Variants in CSMD1 observed in about 807,000 individuals in gnomAD.
CSMD1 encodes the protein CUB and sushi domain-containing protein 1.
In CSMD1, 213 loss-of-function variants were observed where a neutral mutation model predicts 417.5. That is an observed-to-expected ratio of 0.51 (90% CI 0.46 to 0.57). CSMD1 has a LOEUF of 0.57. CSMD1 is among the 20% of genes least tolerant of loss of function. The pLI is 0.00. For missense variants in CSMD1, 6,923 were observed against 4,529.7 expected (o/e 1.53, Z -15.17); for synonymous variants, 2,862 against 1,736.8 (o/e 1.65, Z -16.11).
chr8:3,642,187 A>C (rs1352654384), intron 7 of CSMD1, among the ~76,000 whole-genome samples: 1 of 151,428 alleles, frequency 6.6e-6, no homozygotes, highest in Admixed American at 6.6e-5. Context: ...CATAATATAT[A>C]ATATATAGAA....
chr8:4,884,718 C>A (rs1283767614), intron 1 of CSMD1, among the ~76,000 whole-genome samples: 1 of 152,004 alleles, frequency 6.6e-6, no homozygotes, highest in Non-Finnish European at 1.5e-5. Context: ...AGTTTCCTTC[C>A]TTGGATCAAT....
intron 10 of CSMD1, among the ~76,000 whole-genome samples, chr8:3,520,039 T>TATATATATATACACACAC (rs545212684): frequency 1.2e-4 from 17 of 147,108 alleles, no homozygotes; most frequent in African/African-American, 4.4e-4. Flanking sequence ...TATATATATA[T>TATATATATATACACACAC]ACACGTATAG....
At chr8:4,489,975 C>T (rs934066678) in intron 2 of CSMD1, among the ~76,000 whole-genome samples, 5 of 151,808 alleles carry the variant, frequency 3.3e-5, no homozygotes, top group Non-Finnish European at 7.4e-5. Context: ...AAGTGAATGC[C>T]AATTGCCTTT....
intron 6 of CSMD1, among the ~76,000 whole-genome samples, chr8:3,716,318 T>C (rs1801829386): frequency 6.6e-6 from 1 of 152,162 alleles, no homozygotes; most frequent in African/African-American, 2.4e-5. Context: ...AAAGCAAGTT[T>C]ATTGAGAAAA....
In CSMD1 at chr8:4,351,967, GA is replaced by G. The variant is rs1296144967; in HGVS notation, c.415+67985del. 2.5e-4 allele frequency among the ~76,000 whole-genome samples: 27 copies of G among 107,976 alleles called. 1 individual carries two copies. The highest frequency in any genetic ancestry group is 5.7e-4 in the Admixed American group (6 of 10,494). 70.8% of individuals were successfully genotyped at this position (107,976 alleles called of 152,430 possible). On this transcript the variant is annotated intron_variant, in intron 3 of 69. Transcript: ENST00000635120. ...TTATGCTATTTTTTTTTTTTTTTCA[GA>G]AAAAAAAATGAGTGGCTTGAAACAC...
chr8:3,367,604 T>C (rs940602651), intron 19 of CSMD1, among the ~76,000 whole-genome samples: 3 of 151,928 alleles, frequency 2.0e-5, no homozygotes, highest in East Asian at 1.9e-4. Flanking sequence ...AAGAGGAAAA[T>C]TGGTGGAAAG....
intron 3 of CSMD1, among the ~76,000 whole-genome samples, chr8:4,097,470 T>C (rs1443405802): frequency 6.6e-6 from 1 of 152,180 alleles, no homozygotes; most frequent in Non-Finnish European, 1.5e-5. Flanking sequence ...TGTAATAATT[T>C]GTGCCAATTA....
intron 49 of CSMD1, among the ~76,000 whole-genome samples, chr8:3,078,699 G>C (rs192847772): frequency 6.6e-6 from 1 of 152,148 alleles, no homozygotes; most frequent in African/African-American, 2.4e-5. Flanking sequence ...GAAGGTCTAC[G>C]TGGCCCTTTA....
chr8:4,669,816 G>T (rs1266882181), intron 1 of CSMD1, among the ~76,000 whole-genome samples: 2 of 152,084 alleles, frequency 1.3e-5, no homozygotes, highest in East Asian at 3.9e-4. Flanking sequence ...AGCAATATTT[G>T]GAAAGACATC....
chr8:4,074,484 T>A (rs1023237603), intron 3 of CSMD1, among the ~76,000 whole-genome samples: 1 of 152,222 alleles, frequency 6.6e-6, no homozygotes, highest in Middle Eastern at 3.4e-3. Context: ...TAGTCAATTA[T>A]GAAAATCTAA....
chr8:3,029,111 T>C (rs150303481), intron 51 of CSMD1, among the ~76,000 whole-genome samples: 10 of 152,144 alleles, frequency 6.6e-5, no homozygotes, highest in Non-Finnish European at 1.2e-4. Flanking sequence ...AAAGACAACA[T>C]CAAATGCCTA....
intron 1 of CSMD1, among the ~76,000 whole-genome samples, chr8:4,697,457 G>A (rs184848048): frequency 7.4e-4 from 113 of 152,206 alleles, no homozygotes; most frequent in Non-Finnish European, 1.2e-3. Context: ...AGTTCAATAC[G>A]TAAAAAATTT....
intron 2 of CSMD1, among the ~76,000 whole-genome samples, chr8:4,521,802 C>A (rs7846421): frequency 1.3e-5 from 2 of 152,086 alleles, no homozygotes; most frequent in African/African-American, 4.8e-5. Flanking sequence ...GAAAACCAAG[C>A]ACCTGGGTGG....
At chr8:4,348,258 G>C (rs1222304517) in intron 3 of CSMD1, among the ~76,000 whole-genome samples, 1 of 152,082 alleles carries the variant, frequency 6.6e-6, no homozygotes, top group Non-Finnish European at 1.5e-5. Context: ...ATCTCTTCAT[G>C]TCTAAGGGGA....
intron 12 of CSMD1, among the ~76,000 whole-genome samples, chr8:3,417,080 T>A (rs117641149): frequency 0.013 from 1,960 of 152,336 alleles, 44 homozygotes; most frequent in East Asian, 0.096. Flanking sequence ...ACGGTTGTGC[T>A]TGCATTACCA....
intron 8 of CSMD1, among the ~76,000 whole-genome samples, chr8:3,599,324 C>A (rs936574715): frequency 6.6e-6 from 1 of 152,116 alleles, no homozygotes; most frequent in African/African-American, 2.4e-5. Context: ...GAGATCTACC[C>A]TCTTAGCAAA....
chr8:3,305,948 G>C (rs1442523566), intron 25 of CSMD1, among the ~76,000 whole-genome samples: 1 of 152,120 alleles, frequency 6.6e-6, no homozygotes, highest in East Asian at 1.9e-4. Flanking sequence ...CCAAGGTGCT[G>C]GGATTACAGG....
intron 3 of CSMD1, among the ~76,000 whole-genome samples, chr8:4,033,326 C>G (rs1040281371): frequency 5.3e-5 from 8 of 151,940 alleles, no homozygotes; most frequent in Non-Finnish European, 1.2e-4. Flanking sequence ...CCTGTAGTCC[C>G]AGCTACTTGG....
At chr8:3,461,693 C>A (rs892797051) in intron 12 of CSMD1, among the ~76,000 whole-genome samples, 12 of 152,214 alleles carry the variant, frequency 7.9e-5, no homozygotes, top group Admixed American at 6.5e-4. Context: ...AGCCATCATC[C>A]TTGCAGGAGG....
Sources: allele counts gnomAD v4.1 joint callset (sites outside exome capture counted in the v4.1 genomes callset), GRCh38; gene constraint gnomAD v4.1.1; transcripts MANE v1.5; gene names NCBI Gene and HGNC (gene_info 2026-07-23, HGNC 2026-07-21).